SUSD1: variants seen among roughly 807,000 people sequenced by gnomAD.
The protein encoded by SUSD1 is sushi domain-containing protein 1.
A neutral mutation model predicts 86.9 loss-of-function variants in SUSD1; 65 were observed. The ratio of observed to expected loss-of-function variants is 0.75; its 90% CI spans 0.61 to 0.92. The LOEUF is 0.92. Among genes scored for constraint, SUSD1 ranks in the 40% least tolerant of loss-of-function variants. The probability of loss-of-function intolerance (pLI) is 0.00; values close to 1 mark genes in which losing one functional copy is unlikely to be tolerated. For synonymous variants in SUSD1, 346 were observed against 350.0 expected (o/e 0.99, Z 0.13); for missense variants, 850 against 929.7 (o/e 0.91, Z 1.11).
chr9:112,138,216 T>C (rs1362495504), intron 5 of SUSD1, among the ~76,000 whole-genome samples: 2 of 130,174 alleles, frequency 1.5e-5, no homozygotes, highest in Admixed American at 7.8e-5. Flanking sequence ...ACAGTGAGAC[T>C]CCATCTCAAA....
rs946890338 is a variant in SUSD1, at chr9:112,041,907, C to A, written c.2203G>T (p.Val735Phe). 6.2e-7 allele frequency: 1 copy of A among 1,613,936 alleles called. No homozygotes were observed. The highest frequency in any genetic ancestry group is 1.3e-5 in the African/African-American group (1 of 74,928). The change falls in exon 16 of 17, where the codon GTT becomes TTT. Residue 735 changes from valine (V) to phenylalanine (F), a missense_variant. Physicochemically the swap from Val to Phe is conservative, Grantham distance 50 (BLOSUM62 -1). Transcript: ENST00000374270. ...GAGAGGAATGTGAGAATGATCACAACAGCCAGGGAACCCAGTCCAACACCC... is the reference window on the plus strand; with the variant it reads ...GAGAGGAATGTGAGAATGATCACAAAAGCCAGGGAACCCAGTCCAACACCC... ...MAGVGLGSLA[V>F]VIILTFLSFS...
At chr9:112,128,120 T>C (rs1422720987) in intron 5 of SUSD1, among the ~76,000 whole-genome samples, 1 of 152,160 alleles carries the variant, frequency 6.6e-6, no homozygotes, top group Non-Finnish European at 1.5e-5. Flanking sequence ...TTTGAGACAG[T>C]CTCACTCTGT....
At chr9:112,163,158 G>GTTTT (rs1413053532) in intron 1 of SUSD1, among the ~76,000 whole-genome samples, 1 of 151,952 alleles carries the variant, frequency 6.6e-6, no homozygotes, top group Non-Finnish European at 1.5e-5. Context: ...TTGTTTGTTT[G>GTTTT]TTTGTTGAGA....
chr9:112,144,050 G>C (rs1235311591), intron 3 of SUSD1, among the ~76,000 whole-genome samples: 1 of 152,032 alleles, frequency 6.6e-6, no homozygotes, highest in Non-Finnish European at 1.5e-5. Context: ...GACCAGCCTG[G>C]CCAACATAGT....
intron 14 of SUSD1, among the ~76,000 whole-genome samples, chr9:112,056,912 A>G (rs1828475701): frequency 1.3e-5 from 2 of 151,970 alleles, no homozygotes. Flanking sequence ...CTAACCTCCA[A>G]CTTCATTCCC....
intron 3 of SUSD1, among the ~76,000 whole-genome samples, chr9:112,144,978 T>G (rs993326137): frequency 2.6e-5 from 4 of 152,186 alleles, no homozygotes; most frequent in Non-Finnish European, 5.9e-5. Flanking sequence ...TGCCTGGGCA[T>G]GCCTATGGTC....
At chr9:112,086,744 G>A (rs1173237304) in intron 10 of SUSD1, among the ~76,000 whole-genome samples, 2 of 151,842 alleles carry the variant, frequency 1.3e-5, no homozygotes, top group African/African-American at 2.4e-5. Context: ...CAACAGAAGC[G>A]AGAGGGAAAT....
At chr9:112,102,972 T>C (rs1234063963) in intron 8 of SUSD1, among the ~76,000 whole-genome samples, 1 of 152,226 alleles carries the variant, frequency 6.6e-6, no homozygotes, top group East Asian at 1.9e-4. Context: ...TTTAGAAGGA[T>C]AGATTTATTA....
At chr9:112,047,218 G>C (rs1438784842) in intron 15 of SUSD1, among the ~76,000 whole-genome samples, 2 of 152,156 alleles carry the variant, frequency 1.3e-5, no homozygotes, top group African/African-American at 4.8e-5. Context: ...AGGAGAGAGA[G>C]AGAGTAAAGG....
chr9:112,080,984 A>T (rs745379775), intron 10 of SUSD1, among the ~76,000 whole-genome samples: 1 of 152,212 alleles, frequency 6.6e-6, no homozygotes, highest in African/African-American at 2.4e-5. Flanking sequence ...TGAGCAAAGA[A>T]ATATTTCTTG....
chr9:112,141,663 C>T (rs1002803113), intron 5 of SUSD1, among the ~76,000 whole-genome samples: 4 of 146,620 alleles, frequency 2.7e-5, no homozygotes, highest in African/African-American at 1.0e-4. Context: ...GGTGACAAAG[C>T]GAGATTCTGT....
At chr9:112,089,506 G>T (rs2131585140) in intron 10 of SUSD1, among the ~76,000 whole-genome samples, 1 of 152,188 alleles carries the variant, frequency 6.6e-6, no homozygotes, top group Middle Eastern at 3.4e-3. Flanking sequence ...GAAAGTATAA[G>T]AAAGGATATA....
chr9:112,173,555 T>C, intron 1 of SUSD1: 1 of 342,920 alleles, frequency 2.9e-6, no homozygotes, highest in South Asian at 2.7e-5. Context: ...CCTGAGCTCC[T>C]TCGGGAGTCT....
At position 112,126,582 on chromosome 9, in the gene SUSD1, G is replaced by A. The variant is rs77004500; in HGVS notation, c.707-2146C>T. On this transcript the variant is annotated intron_variant, in intron 5 of 16. Coordinates refer to ENST00000374270, the MANE Select transcript of SUSD1 (RefSeq NM_022486.5). Reference sequence around the variant, plus strand: ...GGACCTGTGGCTCTGTGAGTTCCCCGTTAACAGAGCTATTCAAGTTGAACA... The same window carrying A: ...GGACCTGTGGCTCTGTGAGTTCCCCATTAACAGAGCTATTCAAGTTGAACA... Among the ~76,000 whole-genome samples, 140 of 152,248 alleles carry A rather than the reference G, an allele frequency of 9.2e-4. No homozygotes were observed. In the East Asian group the frequency reaches 0.01, roughly 11 times the overall value.
intron 10 of SUSD1, among the ~76,000 whole-genome samples, chr9:112,089,412 T>C (rs1830111036): frequency 6.6e-6 from 1 of 152,104 alleles, no homozygotes; most frequent in Non-Finnish European, 1.5e-5. Flanking sequence ...TCAAAAAGCA[T>C]TAAATATGAC....
chr9:112,052,562 T>A, intron 14 of SUSD1, 124 bp from the exon 15 acceptor site: 2 of 1,055,704 alleles, frequency 1.9e-6, no homozygotes, highest in Non-Finnish European at 2.9e-6. Context: ...ACTAGACCTT[T>A]AAAGTCCAAT....
At chr9:112,128,968 G>T (rs940377321) in intron 5 of SUSD1, among the ~76,000 whole-genome samples, 3 of 152,194 alleles carry the variant, frequency 2.0e-5, no homozygotes, top group Non-Finnish European at 2.9e-5. Context: ...TGAAGCTCTT[G>T]TTGGGTTTTA....
At chr9:112,170,710 T>TATATATATATAGAGAG (rs758442726) in intron 1 of SUSD1, among the ~76,000 whole-genome samples, 67 of 113,810 alleles carry the variant, frequency 5.9e-4, no homozygotes, top group African/African-American at 9.9e-4. Flanking sequence ...TATATATATA[T>TATATATATATAGAGAG]AGAGAGAGAG....
At chr9:112,075,490 G>A (rs1829478063) in intron 12 of SUSD1, among the ~76,000 whole-genome samples, 1 of 152,170 alleles carries the variant, frequency 6.6e-6, no homozygotes, top group Admixed American at 6.5e-5. Flanking sequence ...ACTTTGGGAG[G>A]TGAGATGGGA....
Sources: allele counts gnomAD v4.1 joint callset (sites outside exome capture counted in the v4.1 genomes callset), GRCh38; gene constraint gnomAD v4.1.1; transcripts MANE v1.5; gene names NCBI Gene and HGNC (gene_info 2026-07-23, HGNC 2026-07-21).